Variants in PRIM2 observed in about 807,000 individuals in gnomAD.
The protein encoded by PRIM2 is DNA primase subunit 2.
Under a neutral mutation model 67.3 loss-of-function variants are expected in PRIM2, and 39 were observed. The ratio of observed to expected loss-of-function variants is 0.58; its 90% CI spans 0.45 to 0.76. PRIM2 has a LOEUF of 0.76. PRIM2 is among the 30% of genes least tolerant of loss of function. The pLI, the probability that PRIM2 is intolerant of heterozygous loss-of-function variation, is 0.00. For missense variants in PRIM2, 398 were observed against 598.7 expected (o/e 0.66, Z 3.50); for synonymous variants, 143 against 198.7 (o/e 0.72, Z 2.36).
chr6:57,604,397 A>G (rs1382561186), intron 11 of PRIM2, among the ~76,000 whole-genome samples: 1 of 152,214 alleles, frequency 6.6e-6, no homozygotes, highest in Non-Finnish European at 1.5e-5. Flanking sequence ...TAGGTATAGA[A>G]TCATATCATC....
At chr6:57,391,282 C>T in intron 7 of PRIM2, among the ~76,000 whole-genome samples, 1 of 147,908 alleles carries the variant, frequency 6.8e-6, no homozygotes, top group East Asian at 1.9e-4. Context: ...GAATATTAGA[C>T]CTTTGTCAGA....
chr6:57,413,742 A>G (rs1357306712), intron 7 of PRIM2, among the ~76,000 whole-genome samples: 2 of 152,154 alleles, frequency 1.3e-5, no homozygotes, highest in Admixed American at 6.5e-5. Context: ...ATGAATTAAC[A>G]TTAAAAAATC....
At chr6:57,511,929 A>G (rs1774379998) in intron 8 of PRIM2, among the ~76,000 whole-genome samples, 1 of 152,230 alleles carries the variant, frequency 6.6e-6, no homozygotes, top group African/African-American at 2.4e-5. Flanking sequence ...ATCACTGTGC[A>G]GGTCTTGGTT....
At chr6:57,240,091 G>GTTTTTTTTTTTGTTTTTTTTTTTTT in the PRIM2 span, among the ~76,000 whole-genome samples, 1 of 90,006 alleles carries the variant, frequency 1.1e-5, no homozygotes. Context: ...TCAATAATCT[G>GTTTTTTTTTTTGTTTTTTTTTTTTT]TTTTTTTTTT....
chr6:57,634,529 T>G (rs1364863734), intron 13 of PRIM2, among the ~76,000 whole-genome samples: 1 of 152,292 alleles, frequency 6.6e-6, no homozygotes, highest in Non-Finnish European at 1.5e-5. Flanking sequence ...ATTCTTTAAT[T>G]TGGTTGCTCC....
At chr6:57,273,379 A>G in the PRIM2 span, among the ~76,000 whole-genome samples, 1 of 152,028 alleles carries the variant, frequency 6.6e-6, no homozygotes, top group African/African-American at 2.4e-5. Context: ...CATTCATTTC[A>G]TCTTCCATGA....
At chr6:57,597,467 A>T (rs1776386892) in intron 10 of PRIM2, among the ~76,000 whole-genome samples, 1 of 151,840 alleles carries the variant, frequency 6.6e-6, no homozygotes, top group Admixed American at 6.6e-5. Flanking sequence ...TTAAACTAGG[A>T]CACCAAATAT....
chr6:57,540,459 T>G (rs1220267852), intron 10 of PRIM2, among the ~76,000 whole-genome samples: 3 of 152,170 alleles, frequency 2.0e-5, no homozygotes, highest in Non-Finnish European at 4.4e-5. Context: ...AATACACAGG[T>G]GTGAACTGCA....
chr6:57,418,383 GTTTTTTTTTTTTTT>G lies in PRIM2; in HGVS notation c.693+36236_693+36249del, dbSNP rs34491627. Among the ~76,000 whole-genome samples, 87 of 47,242 alleles carry G rather than the reference GTTTTTTTTTTTTTT, an allele frequency of 1.8e-3. 2 individuals are homozygous for G. The highest frequency in any genetic ancestry group is 2.5e-3 in the Admixed American group (7 of 2,780). 31.0% of individuals were successfully genotyped at this position (47,242 alleles called of 152,430 possible). ...TAAGGTAATGTTTCCTATGTGTGTG[GTTTTTTTTTTTTTT>G]TTTTTTTTTTTTTTTTTTTTAACAG... On this transcript the variant is annotated intron_variant, in intron 7 of 13. Transcript: ENST00000615550.
chr6:57,232,291 G>A, the PRIM2 span, among the ~76,000 whole-genome samples: 6 of 152,316 alleles, frequency 3.9e-5, no homozygotes, highest in South Asian at 6.2e-4. Context: ...GGTGGCTCAC[G>A]CCTGTAATCC....
At chr6:57,559,428 C>G (rs1775585388) in intron 10 of PRIM2, among the ~76,000 whole-genome samples, 2 of 152,248 alleles carry the variant, frequency 1.3e-5, no homozygotes, top group Admixed American at 1.3e-4. Context: ...TTATCTGCAG[C>G]TAGTTATGCC....
intron 5 of PRIM2, among the ~76,000 whole-genome samples, chr6:57,377,487 GT>G (rs11383953): frequency 5.9e-4 from 82 of 139,430 alleles, no homozygotes; most frequent in African/African-American, 1.2e-3. Context: ...GTTTTCATTT[GT>G]TTTTTTTTTT....
chr6:57,240,392 C>T, the PRIM2 span, among the ~76,000 whole-genome samples: 5 of 152,124 alleles, frequency 3.3e-5, no homozygotes, highest in South Asian at 1.0e-3. Context: ...TGAGCCACCA[C>T]GCCTGGCCAG....
chr6:57,246,251 G>T, the PRIM2 span, among the ~76,000 whole-genome samples: 1 of 152,128 alleles, frequency 6.6e-6, no homozygotes, highest in Non-Finnish European at 1.5e-5. Flanking sequence ...ATGTTTCAAA[G>T]GTATCAACTC....
chr6:57,327,126 C>A (rs1767892117), intron 5 of PRIM2, among the ~76,000 whole-genome samples: 1 of 151,782 alleles, frequency 6.6e-6, no homozygotes, highest in African/African-American at 2.4e-5. Flanking sequence ...GTCTTGAACC[C>A]CCTGACCTCA....
intron 7 of PRIM2, among the ~76,000 whole-genome samples, chr6:57,438,940 C>T (rs1308519192): frequency 2.0e-5 from 3 of 151,920 alleles, no homozygotes; most frequent in African/African-American, 7.3e-5. Context: ...AACTCCTACC[C>T]TCAAGTGATC....
intron 7 of PRIM2, among the ~76,000 whole-genome samples, chr6:57,482,051 G>T (rs1216341483): frequency 3.9e-5 from 6 of 152,136 alleles, no homozygotes; most frequent in African/African-American, 1.4e-4. Context: ...GGGTAAGTCT[G>T]CATGGCTGGG....
chr6:57,470,804 G>T (rs1773319754), intron 7 of PRIM2, among the ~76,000 whole-genome samples: 1 of 152,022 alleles, frequency 6.6e-6, no homozygotes, highest in East Asian at 1.9e-4. Context: ...AATAGTGCCT[G>T]AATTCTAGAT....
the PRIM2 span, among the ~76,000 whole-genome samples, chr6:57,288,130 C>T: frequency 5.9e-5 from 9 of 152,200 alleles, no homozygotes; most frequent in African/African-American, 1.9e-4. Context: ...CCTTCCATGC[C>T]TGGCTCGCCA....
Sources: gnomAD v4.1 joint callset for allele counts (sites outside exome capture counted in the v4.1 genomes callset) on GRCh38, gnomAD v4.1.1 for gene constraint, MANE v1.5 for transcripts, NCBI Gene and HGNC (gene_info 2026-07-23, HGNC 2026-07-21) for gene names.